ASXL3: variants seen among roughly 807,000 people sequenced by gnomAD.
The protein encoded by ASXL3 is ASXL transcriptional regulator 3, also known as putative Polycomb group protein ASXL3.
A neutral mutation model predicts 170.6 loss-of-function variants in ASXL3; 34 were observed. The observed-to-expected ratio is 0.20, with a 90% CI of 0.15 to 0.27. ASXL3 has a LOEUF of 0.27. Ranked by LOEUF, ASXL3 falls within the 10% of genes least tolerant of loss-of-function variation. The pLI, the probability that ASXL3 is intolerant of heterozygous loss-of-function variation, is 1.00. For missense variants in ASXL3, 2,592 were observed against 2,695.3 expected (o/e 0.96, Z 0.85); for synonymous variants, 1,002 against 989.1 (o/e 1.01, Z -0.24).
intron 7 of ASXL3, among the ~76,000 whole-genome samples, chr18:33,679,589 A>G (rs996834497): frequency 1.3e-5 from 2 of 152,122 alleles, no homozygotes; most frequent in African/African-American, 2.4e-5. Context: ...GAGATAGGTC[A>G]AGAAAGTAAG....
chr18:33,642,411 T>C (rs2065858894), intron 2 of ASXL3, among the ~76,000 whole-genome samples: 1 of 151,938 alleles, frequency 6.6e-6, no homozygotes, highest in African/African-American at 2.4e-5. Context: ...CGGACCAGAA[T>C]AACTAGTTTT....
intron 8 of ASXL3, among the ~76,000 whole-genome samples, chr18:33,698,375 G>C (rs1189624914): frequency 1.3e-5 from 2 of 152,084 alleles, no homozygotes; most frequent in Non-Finnish European, 2.9e-5. Context: ...ACCCAGTCTT[G>C]AGTGTTTTGT....
At chr18:33,693,667 T>A (rs1344730921) in intron 8 of ASXL3, among the ~76,000 whole-genome samples, 2 of 152,118 alleles carry the variant, frequency 1.3e-5, no homozygotes, top group Non-Finnish European at 2.9e-5. Context: ...AGGGCACATT[T>A]GAGAAGAGAT....
At chr18:33,634,869 A>G (rs2065740674) in intron 2 of ASXL3, among the ~76,000 whole-genome samples, 1 of 152,204 alleles carries the variant, frequency 6.6e-6, no homozygotes, top group African/African-American at 2.4e-5. Context: ...TATTAAAGTC[A>G]GGGTCCTCAA....
intron 8 of ASXL3, 64 bp from the exon 9 acceptor site, chr18:33,731,904 C>A: frequency 7.2e-7 from 1 of 1,397,138 alleles, no homozygotes; most frequent in Non-Finnish European, 1.0e-6. Context: ...TTGCTTCTTT[C>A]CTGCATACTT....
rs201012473 is a variant in ASXL3 at position 33,626,104 on chromosome 18, G to GA, written c.137+18437dup. Among the ~76,000 whole-genome samples the GA allele has an allele frequency of 3.4e-3, 509 of 148,890 alleles. 4 individuals are homozygous for GA. Among genetic ancestry groups the GA allele is most frequent in the African/African-American group, 0.01 (418 of 40,668 alleles). On this transcript the variant is annotated intron_variant, in intron 2 of 11. Coordinates refer to ENST00000269197, the MANE Select transcript of ASXL3 (RefSeq NM_030632.3). Reference sequence around the variant, plus strand: ...GTCTTTTTATAATAAAGGACTCAATGAAAAAAAAACAGTGAATTCTCTGGT... The same window carrying GA: ...GTCTTTTTATAATAAAGGACTCAATGAAAAAAAAAACAGTGAATTCTCTGGT...
Position 33,743,647 on chromosome 18 carries a change from G to C in ASXL3, c.3799G>C (p.Val1267Leu), listed in dbSNP as rs199906214. Reference sequence around the variant, plus strand: ...TGATAAATCCTCTGTCCTAATGTCTGTTGACAGTGCAAACACTACAATTTC... The same window carrying C: ...TGATAAATCCTCTGTCCTAATGTCTCTTGACAGTGCAAACACTACAATTTC... The part of the protein sequence containing the change: ...SVDKSSVLMS[V>L]DSANTTISAC... Residue 1267 changes from valine to leucine, a missense_variant, in exon 12 of 12, where the codon GTT (valine) becomes CTT (leucine). Coordinates refer to ENST00000269197, the MANE Select transcript of ASXL3 (RefSeq NM_030632.3). 107 of 1,613,606 alleles carry C rather than the reference G, an allele frequency of 6.6e-5. No homozygotes were observed. Among genetic ancestry groups the C allele is most frequent in the Non-Finnish European group, 8.3e-5 (98 of 1,179,868 alleles).
chr18:33,641,477 G>A (rs2065846492), intron 2 of ASXL3, among the ~76,000 whole-genome samples: 1 of 152,172 alleles, frequency 6.6e-6, no homozygotes, highest in South Asian at 2.1e-4. Context: ...GGGGATGGGA[G>A]AAAGAAAAGA....
intron 8 of ASXL3, among the ~76,000 whole-genome samples, chr18:33,687,156 G>T (rs1024878015): frequency 3.9e-5 from 6 of 152,150 alleles, no homozygotes; most frequent in East Asian, 1.9e-4. Flanking sequence ...AGCTTTGTGG[G>T]CCTGTCAGCA....
chr18:33,695,645 C>T (rs1358814330), intron 8 of ASXL3, among the ~76,000 whole-genome samples: 1 of 152,118 alleles, frequency 6.6e-6, no homozygotes, highest in East Asian at 1.9e-4. Flanking sequence ...AATAGGCAAT[C>T]TAACTTACAG....
intron 4 of ASXL3, among the ~76,000 whole-genome samples, chr18:33,646,964 T>C (rs1230199167): frequency 1.3e-5 from 2 of 151,622 alleles, no homozygotes. Context: ...TGTGATCCTT[T>C]CGGTGTATGT....
rs375833448 is a variant in ASXL3, at chr18:33,738,822, T to C, written c.1418T>C (p.Ile473Thr). Residue 473 changes from isoleucine to threonine, a missense_variant, in exon 11 of 12, where the codon ATA (isoleucine) becomes ACA (threonine). Ile to Thr is a moderately conservative substitution (Grantham distance 89, BLOSUM62 -1). This residue lies in a region of ASXL3 where 2,246 missense variants were observed against 2,219.6 expected (regional missense o/e 1.01). Transcript: ENST00000269197. ...CECQDENHKT[I>T]PEFSEEAESL... ...TGCCAGGATGAAAATCATAAGACAA[T>C]ACCTGAATTTTCTGAGGAGGCTGAA... 23 of 1,613,442 alleles carry C rather than the reference T, an allele frequency of 1.4e-5. 1 individual carries two copies. In the South Asian group the frequency reaches 2.4e-4, roughly 17 times the overall value.
intron 4 of ASXL3, among the ~76,000 whole-genome samples, chr18:33,648,948 G>A (rs934304634): frequency 6.6e-6 from 1 of 152,054 alleles, no homozygotes; most frequent in Non-Finnish European, 1.5e-5. Context: ...TTTGGCAGTG[G>A]TAATTTTTGT....
At position 33,589,554 on chromosome 18, in the gene ASXL3, A is replaced by G. The variant is rs9955911; in HGVS notation, c.54+10869A>G. 5.6e-3 allele frequency among the ~76,000 whole-genome samples: 852 copies of G among 152,308 alleles called. 11 individuals are homozygous for G. Among genetic ancestry groups the G allele is most frequent in the African/African-American group, 0.019 (785 of 41,560 alleles). ...GAAAAGAACAGGATATAGTGAGAGAAAAAAGGCTTGCTCTGACTTTCATAT... is the reference window on the plus strand; with the variant it reads ...GAAAAGAACAGGATATAGTGAGAGAGAAAAGGCTTGCTCTGACTTTCATAT... On this transcript the variant is annotated intron_variant, in intron 1 of 11. Coordinates refer to ENST00000269197, the MANE Select transcript of ASXL3 (RefSeq NM_030632.3).
At chr18:33,655,145 C>A (rs2066062723) in intron 4 of ASXL3, among the ~76,000 whole-genome samples, 1 of 152,040 alleles carries the variant, frequency 6.6e-6, no homozygotes, top group Non-Finnish European at 1.5e-5. Context: ...ACCCAAATCA[C>A]TAAGGTCTCT....
intron 2 of ASXL3, chr18:33,614,973 G>A (rs769744164): frequency 6.6e-6 from 1 of 152,034 alleles, no homozygotes; most frequent in Non-Finnish European, 1.5e-5. Flanking sequence ...AGTGCTCTGG[G>A]ATTTCCGAAA....
intron 8 of ASXL3, among the ~76,000 whole-genome samples, chr18:33,730,090 T>C (rs895815893): frequency 6.6e-6 from 1 of 152,138 alleles, no homozygotes; most frequent in African/African-American, 2.4e-5. Context: ...GCAGTTGTTC[T>C]CAACTAGGGA....
At chr18:33,712,251 T>C (rs1010110350) in intron 8 of ASXL3, among the ~76,000 whole-genome samples, 2 of 152,244 alleles carry the variant, frequency 1.3e-5, no homozygotes, top group Non-Finnish European at 2.9e-5. Flanking sequence ...AAATTTCAGC[T>C]TTGATTACTG....
intron 2 of ASXL3, among the ~76,000 whole-genome samples, chr18:33,643,925 T>A (rs1467607727): frequency 6.6e-6 from 1 of 151,826 alleles, no homozygotes. Context: ...GACCAGATAT[T>A]GATATTTCGG....
Sources: gnomAD v4.1 joint callset for allele counts (sites outside exome capture counted in the v4.1 genomes callset) on GRCh38, gnomAD v4.1.1 for gene constraint, gnomAD v4.1.1 regional missense constraint, MANE v1.5 for transcripts, NCBI Gene and HGNC (gene_info 2026-07-23, HGNC 2026-07-21) for gene names.